Variants in PGAM5 observed in about 807,000 individuals in gnomAD.
The protein encoded by PGAM5 is PGAM family member 5, mitochondrial serine/threonine protein phosphatase.
A neutral mutation model predicts 30.6 loss-of-function variants in PGAM5; 25 were observed. The observed-to-expected ratio is 0.82, with a 90% CI of 0.60 to 1.14. The LOEUF is 1.14. Among genes scored for constraint, PGAM5 ranks in the 50% most tolerant of loss-of-function variants. The pLI is 0.00. For synonymous variants in PGAM5, 201 were observed against 179.1 expected (o/e 1.12, Z -0.98); for missense variants, 384 against 408.5 (o/e 0.94, Z 0.52).
At chr12:132,720,652 CTT>C (rs1264324423) in intron 5 of PGAM5, 24 bp from the exon 6 acceptor site, 2 of 1,527,370 alleles carry the variant, frequency 1.3e-6, no homozygotes, top group Non-Finnish European at 1.8e-6. Context: ...CTAACGTGCT[CTT>C]TCTCTCTCTC....
chr12:132,721,170 G>A lies in PGAM5; in HGVS notation c.*342G>A, dbSNP rs78665328. 1,192 of 193,684 alleles carry A rather than the reference G, an allele frequency of 6.2e-3. 18 individuals are homozygous for A. Among genetic ancestry groups the A allele is most frequent in the African/African-American group, 0.026 (1,118 of 43,246 alleles). The allele number at this position is 193,684 out of a possible 1,614,324, so 12.0% of individuals were successfully genotyped here. On this transcript the variant is annotated 3_prime_UTR_variant, in exon 6 of 6. Coordinates refer to ENST00000498926, the MANE Select transcript of PGAM5 (RefSeq NM_001170543.2). Reference sequence around the variant, plus strand: ...GGGTCCAGGCTCCATTGGCAAAGCCGGTCAGGCACGAGGGCGACTGAGGCA... The same window carrying A: ...GGGTCCAGGCTCCATTGGCAAAGCCAGTCAGGCACGAGGGCGACTGAGGCA...
rs79067360 is a variant in PGAM5 at position 132,719,002 on chromosome 12, T to A, written c.719+882T>A. 9.8e-4 allele frequency: 1,410 copies of A among 1,437,376 alleles called. 10 individuals carry two copies. In the African/African-American group the frequency reaches 0.018, roughly 18 times the overall value. 89.0% of individuals were successfully genotyped at this position (1,437,376 alleles called of 1,614,324 possible). ...CACCACAGAATGATCCGGGTTCAGG[T>A]TGCGTTTTCCCTGCCACCACCCTGC... On this transcript the variant is annotated intron_variant, in intron 5 of 5. Transcript: ENST00000498926.
chr12:132,713,742 A>G (rs1191575204), intron 1 of PGAM5, among the ~76,000 whole-genome samples: 7 of 151,976 alleles, frequency 4.6e-5, no homozygotes, highest in Admixed American at 3.9e-4. Flanking sequence ...GTGCAGTGGC[A>G]AGATCATGGC....
chr12:132,717,683 C>T, intron 3 of PGAM5, 27 bp from the exon 4 acceptor site: 4 of 1,564,994 alleles, frequency 2.6e-6, no homozygotes, highest in South Asian at 1.2e-5. Context: ...GCCGCCTCAC[C>T]CAGCGCTTCG....
At chr12:132,712,602 A>G (rs2043534035) in intron 1 of PGAM5, among the ~76,000 whole-genome samples, 1 of 151,940 alleles carries the variant, frequency 6.6e-6, no homozygotes, top group South Asian at 2.1e-4. Context: ...GATTACAGGC[A>G]CGCGCCATTA....
intron 1 of PGAM5, among the ~76,000 whole-genome samples, chr12:132,713,003 C>CA (rs1257582200): frequency 2.0e-5 from 3 of 151,640 alleles, no homozygotes; most frequent in African/African-American, 7.3e-5. Flanking sequence ...ACTAAAAATA[C>CA]AAAAAAATTA....
chr12:132,717,779 A>G lies in PGAM5; in HGVS notation c.566A>G (p.His189Arg). ...APIEPDPPVS[H>R]WKPEAVQYYE... ...ATCGAGCCAGACCCGCCCGTGTCTC[A>G]TTGGAAGCCGGAAGCTGTGGTAAAA... is the stretch of plus-strand genomic sequence containing the variant. Residue 189 changes from histidine (H) to arginine (R), a missense_variant, in exon 4 of 6, where the codon CAT becomes CGT. By Grantham distance (29) the His-to-Arg change is conservative (BLOSUM62 0). Coordinates refer to ENST00000498926, the MANE Select transcript of PGAM5 (RefSeq NM_001170543.2). 1.9e-6 allele frequency: 3 copies of G among 1,588,428 alleles called. No homozygotes were observed. The highest frequency in any genetic ancestry group is 2.6e-6 in the Non-Finnish European group (3 of 1,167,572).
rs2043513436 is a variant in PGAM5 at position 132,710,843 on chromosome 12, G to T, written c.-34G>T. The T allele has an allele frequency of 9.1e-7, 1 of 1,098,454 alleles. No individual in the cohort carries two copies. Among genetic ancestry groups the T allele is most frequent in the Non-Finnish European group, 1.1e-6 (1 of 902,778 alleles). 68.0% of individuals were successfully genotyped at this position (1,098,454 alleles called of 1,614,324 possible). ...CTCGCGGAGCGCCGTCGGGGCCGTG[G>T]GCGCCTGCGCGGGCCGGCGCGGGAG... On this transcript the variant is annotated 5_prime_UTR_variant, in exon 1 of 6. Transcript: ENST00000498926.
intron 2 of PGAM5, among the ~76,000 whole-genome samples, chr12:132,716,041 G>A (rs977385246): frequency 1.4e-4 from 21 of 152,042 alleles, no homozygotes; most frequent in Admixed American, 7.2e-4. Context: ...TGCCAAAGAC[G>A]CTTCTCTGCG....
chr12:132,715,119 T>A, intron 2 of PGAM5, 83 bp downstream of exon 2: 1 of 1,393,900 alleles, frequency 7.2e-7, no homozygotes, highest in South Asian at 1.4e-5. Context: ...GTTATGTGAC[T>A]GGGTGCAGGT....
chr12:132,718,805 T>A (rs983149408), intron 5 of PGAM5: 5 of 1,613,466 alleles, frequency 3.1e-6, no homozygotes, highest in Non-Finnish European at 4.2e-6. Context: ...GCTTCTGGGG[T>A]CCTGACCTCT....
Position 132,722,072 on chromosome 12 carries a change from T to G in PGAM5, c.*1244T>G, listed in dbSNP as rs541377462. ...CTGGATGGGGGAGGGGCAGGTGAGG[T>G]GGGTCTACAGAGGTGGCTTCGCCTT... is the stretch of plus-strand genomic sequence containing the variant. On this transcript the variant is annotated 3_prime_UTR_variant, in exon 6 of 6. Coordinates refer to ENST00000498926, the MANE Select transcript of PGAM5 (RefSeq NM_001170543.2). 1.3e-5 allele frequency: 2 copies of G among 152,280 alleles called. No homozygotes were observed. The highest frequency in any genetic ancestry group is 2.9e-5 in the Non-Finnish European group (2 of 68,078). 9.4% of individuals were successfully genotyped at this position (152,280 alleles called of 1,614,324 possible).
chr12:132,721,145 G>T lies in PGAM5; in HGVS notation c.*317G>T. On this transcript the variant is annotated 3_prime_UTR_variant, in exon 6 of 6. Transcript: ENST00000498926. ...CGCACCCACAGCTGACCCGTGCTGA[G>T]GGTCCAGGCTCCATTGGCAAAGCCG... The T allele has an allele frequency of 4.4e-6, 1 of 225,912 alleles. No homozygotes were observed. The highest frequency in any genetic ancestry group is 8.7e-6 in the Non-Finnish European group (1 of 115,244). The allele number at this position is 225,912 out of a possible 1,614,324, so 14.0% of individuals were successfully genotyped here. A position where few individuals can be genotyped will look rare whatever the true frequency, so the allele number is the denominator to read the frequency against.
chr12:132,719,435 T>C (rs916548551), intron 5 of PGAM5, among the ~76,000 whole-genome samples: 4 of 152,190 alleles, frequency 2.6e-5, no homozygotes, highest in African/African-American at 9.7e-5. Flanking sequence ...CCAGACCAGA[T>C]AGAGCTTTTC....
chr12:132,715,349 T>G (rs1032279641), intron 2 of PGAM5, among the ~76,000 whole-genome samples: 8 of 150,796 alleles, frequency 5.3e-5, no homozygotes, highest in Non-Finnish European at 8.9e-5. Context: ...GGCAGGTGGA[T>G]TACCTGAGGT....
intron 2 of PGAM5, among the ~76,000 whole-genome samples, chr12:132,715,463 C>T (rs946121713): frequency 2.0e-5 from 3 of 148,334 alleles, no homozygotes; most frequent in South Asian, 2.1e-4. Flanking sequence ...CCCAGCTACT[C>T]GGGAAGCTGA....
rs1366926374 is a variant in PGAM5 at position 132,721,502 on chromosome 12, GT to G, written c.*675del. The stretch of plus-strand genomic sequence containing the variant: ...CCAGCTACTTGGGAGGCTGAGGTGG[GT>G]GGATCACTTGGGCCCGGGAGCTGGA... On this transcript the variant is annotated 3_prime_UTR_variant, in exon 6 of 6. Transcript: ENST00000498926. 2 of 152,270 alleles carry G rather than the reference GT, an allele frequency of 1.3e-5. No individual in the cohort carries two copies. The highest frequency in any genetic ancestry group is 4.8e-5 in the African/African-American group (2 of 41,472). The allele number at this position is 152,270 out of a possible 1,614,324, so 9.4% of individuals were successfully genotyped here. A position where few individuals can be genotyped will look rare whatever the true frequency, so the allele number is the denominator to read the frequency against.
chr12:132,715,188 G>GA, intron 2 of PGAM5, 152 bp downstream of exon 2: 4 of 706,882 alleles, frequency 5.7e-6, no homozygotes, highest in Non-Finnish European at 9.2e-6. Flanking sequence ...GGGCCTCCTG[G>GA]GGCCCATGTC....
At chr12:132,713,545 C>T (rs1018727722) in intron 1 of PGAM5, among the ~76,000 whole-genome samples, 11 of 152,208 alleles carry the variant, frequency 7.2e-5, no homozygotes, top group African/African-American at 2.2e-4. Context: ...GCCCCCAGGT[C>T]GGCGTGGCCC....
Sources: allele counts gnomAD v4.1 joint callset (sites outside exome capture counted in the v4.1 genomes callset), GRCh38; gene constraint gnomAD v4.1.1; transcripts MANE v1.5; gene names NCBI Gene and HGNC (gene_info 2026-07-23, HGNC 2026-07-21).